Variants in REEP3 observed in about 807,000 individuals in gnomAD.
REEP3 encodes receptor expression-enhancing protein 3.
REEP3 carries 20 observed loss-of-function variants against 41.3 expected under a neutral mutation model. That is an observed-to-expected ratio of 0.48 (90% confidence interval 0.34 to 0.70). The LOEUF (loss-of-function observed/expected upper bound fraction) is 0.70, where lower values mean the gene tolerates loss of function less well. Ranked by LOEUF, REEP3 falls within the 30% of genes least tolerant of loss-of-function variation. REEP3 has a pLI of 0.01. For synonymous variants in REEP3, 104 were observed against 101.8 expected (o/e 1.02, Z -0.13); for missense variants, 271 against 308.8 (o/e 0.88, Z 0.92).
At chr10:63,522,959 T>C (rs1955303103) in intron 1 of REEP3, among the ~76,000 whole-genome samples, 1 of 151,364 alleles carries the variant, frequency 6.6e-6, no homozygotes, top group African/African-American at 2.4e-5. Flanking sequence ...CTAGTAGATG[T>C]CTATCAACTG....
chr10:63,618,169 A>G (rs1956326557), intron 6 of REEP3, among the ~76,000 whole-genome samples: 1 of 142,180 alleles, frequency 7.0e-6, no homozygotes, highest in Non-Finnish European at 1.5e-5. Flanking sequence ...TTAAGTATTT[A>G]TGCTCCTTAT....
At chr10:63,614,927 T>A (rs763232331) in intron 6 of REEP3, among the ~76,000 whole-genome samples, 2 of 152,204 alleles carry the variant, frequency 1.3e-5, no homozygotes, top group Non-Finnish European at 2.9e-5. Flanking sequence ...AAAGATGTAT[T>A]TACAAGAATG....
chr10:63,564,739 G>A (rs1955780888), intron 1 of REEP3, among the ~76,000 whole-genome samples: 1 of 151,872 alleles, frequency 6.6e-6, no homozygotes, highest in South Asian at 2.1e-4. Flanking sequence ...GTATAGGAAT[G>A]TAAAATGGAT....
chr10:63,524,293 C>T (rs939633625), intron 1 of REEP3, among the ~76,000 whole-genome samples: 2 of 152,152 alleles, frequency 1.3e-5, no homozygotes, highest in African/African-American at 2.4e-5. Context: ...CCACCTCCTC[C>T]TGAGCAAGAT....
intron 1 of REEP3, among the ~76,000 whole-genome samples, chr10:63,523,410 A>AT (rs1232180888): frequency 2.0e-5 from 3 of 152,160 alleles, no homozygotes; most frequent in African/African-American, 7.2e-5. Flanking sequence ...AGGAGGGAAG[A>AT]TTGTTTGATC....
At chr10:63,549,651 G>A (rs1271349539) in intron 1 of REEP3, among the ~76,000 whole-genome samples, 1 of 152,204 alleles carries the variant, frequency 6.6e-6, no homozygotes, top group Non-Finnish European at 1.5e-5. Flanking sequence ...TGATACTACT[G>A]TAGTTGATAA....
intron 2 of REEP3, among the ~76,000 whole-genome samples, chr10:63,578,602 C>G (rs535013370): frequency 2.6e-5 from 4 of 151,958 alleles, no homozygotes; most frequent in African/African-American, 9.6e-5. Flanking sequence ...TGGTAAAACC[C>G]CGTCTCTACC....
intron 6 of REEP3, among the ~76,000 whole-genome samples, chr10:63,617,889 A>G (rs1956324205): frequency 7.1e-6 from 1 of 140,470 alleles, no homozygotes; most frequent in Admixed American, 7.7e-5. Context: ...CAGTGGTGCA[A>G]TCTCAGCTCA....
At chr10:63,598,931 A>G (rs1400654197) in intron 4 of REEP3, among the ~76,000 whole-genome samples, 1 of 152,174 alleles carries the variant, frequency 6.6e-6, no homozygotes, top group Non-Finnish European at 1.5e-5. Context: ...GTCTCTACAA[A>G]AAAATTAAAA....
intron 1 of REEP3, among the ~76,000 whole-genome samples, chr10:63,529,682 G>T (rs1955400658): frequency 6.6e-6 from 1 of 152,030 alleles, no homozygotes. Flanking sequence ...TGCCCAGGCT[G>T]GTCTCCAACT....
intron 1 of REEP3, among the ~76,000 whole-genome samples, chr10:63,558,436 GT>G (rs1284864662): frequency 6.6e-6 from 1 of 152,158 alleles, no homozygotes; most frequent in Non-Finnish European, 1.5e-5. Context: ...AATTTCATGG[GT>G]TTTAGATGGT....
At chr10:63,603,145 C>T (rs1956188871) in intron 5 of REEP3, among the ~76,000 whole-genome samples, 1 of 151,676 alleles carries the variant, frequency 6.6e-6, no homozygotes, top group Non-Finnish European at 1.5e-5. Flanking sequence ...AACCCCATCT[C>T]TACTAAAAAT....
At chr10:63,528,383 T>C (rs773721178) in intron 1 of REEP3, among the ~76,000 whole-genome samples, 5 of 152,332 alleles carry the variant, frequency 3.3e-5, no homozygotes, top group South Asian at 4.1e-4. Context: ...GTTCCCTACA[T>C]TGAATCCGCA....
chr10:63,576,826 C>T (rs1430674266), intron 2 of REEP3, among the ~76,000 whole-genome samples: 1 of 152,154 alleles, frequency 6.6e-6, no homozygotes, highest in Non-Finnish European at 1.5e-5. Flanking sequence ...CTGATGTGTG[C>T]ACATGGAGAG....
intron 5 of REEP3, among the ~76,000 whole-genome samples, chr10:63,608,304 C>G (rs1419262542): frequency 6.6e-6 from 1 of 152,144 alleles, no homozygotes; most frequent in African/African-American, 2.4e-5. Flanking sequence ...GAATAAAGTC[C>G]TTTAATGATT....
intron 1 of REEP3, among the ~76,000 whole-genome samples, chr10:63,540,965 A>T (rs1208710363): frequency 6.6e-6 from 1 of 152,156 alleles, no homozygotes. Context: ...CTCTACTAAT[A>T]ATATGAAATT....
intron 1 of REEP3, among the ~76,000 whole-genome samples, chr10:63,524,153 C>G (rs1414803727): frequency 3.9e-5 from 6 of 152,170 alleles, no homozygotes; most frequent in Admixed American, 3.9e-4. Flanking sequence ...AAACATCATT[C>G]TATTTTTCCT....
intron 2 of REEP3, among the ~76,000 whole-genome samples, chr10:63,589,252 A>G (rs1956035191): frequency 6.6e-6 from 1 of 152,200 alleles, no homozygotes; most frequent in South Asian, 2.1e-4. Context: ...CTGACGAGGT[A>G]ATGAAAAATG....
At chr10:63,577,154 T>G (rs1366850452) in intron 2 of REEP3, among the ~76,000 whole-genome samples, 1 of 152,194 alleles carries the variant, frequency 6.6e-6, no homozygotes, top group Non-Finnish European at 1.5e-5. Context: ...GAAAGGTACT[T>G]GTTTACCAGC....
Sources: allele counts gnomAD v4.1 joint callset (sites outside exome capture counted in the v4.1 genomes callset), GRCh38; gene constraint gnomAD v4.1.1; transcripts MANE v1.5; gene names NCBI Gene and HGNC (gene_info 2026-07-23, HGNC 2026-07-21).